Variants in NCAM1 observed in about 807,000 individuals in gnomAD.
The protein encoded by NCAM1 is neural cell adhesion molecule 1.
In NCAM1, 14 loss-of-function variants were observed where a neutral mutation model predicts 109.8. The ratio of observed to expected loss-of-function variants is 0.13; its 90% CI spans 0.08 to 0.20. NCAM1 has a LOEUF of 0.20. Among genes scored for constraint, NCAM1 ranks in the 10% least tolerant of loss-of-function variants. NCAM1 has a pLI of 1.00. For missense variants in NCAM1, 774 were observed against 1,109.9 expected (o/e 0.70, Z 4.30); for synonymous variants, 418 against 442.9 (o/e 0.94, Z 0.70).
rs782403931 is a variant in NCAM1 at position 113,260,277 on chromosome 11, G to C, written c.2085G>C (p.Ala695=). The C allele has an allele frequency of 9.9e-6, 16 of 1,613,802 alleles. No homozygotes were observed. Among genetic ancestry groups the C allele is most frequent in the African/African-American group, 1.3e-5 (1 of 74,896 alleles). ...VAENQQGKSK[A]AHFVFRTSAQ... Reference sequence around the variant, plus strand: ...AGAACCAGCAAGGAAAATCCAAGGCGGCTCATTTTGTGTTCAGGACCTCGG... The same window carrying C: ...AGAACCAGCAAGGAAAATCCAAGGCCGCTCATTTTGTGTTCAGGACCTCGG... The change falls in exon 17 of 20, where the codon GCG becomes GCC. Residue 695 remains alanine, a synonymous_variant. Coordinates refer to ENST00000316851, the MANE Select transcript of NCAM1 (RefSeq NM_181351.5).
At chr11:113,014,550 T>C (rs1952159925) in intron 1 of NCAM1, among the ~76,000 whole-genome samples, 1 of 152,254 alleles carries the variant, frequency 6.6e-6, no homozygotes, top group Admixed American at 6.5e-5. Flanking sequence ...TTTATTGAAC[T>C]GTGTGACATG....
intron 1 of NCAM1, among the ~76,000 whole-genome samples, chr11:113,101,510 T>A (rs1200806213): frequency 6.6e-6 from 1 of 152,244 alleles, no homozygotes; most frequent in East Asian, 1.9e-4. Context: ...TGCTCCTTAA[T>A]TATAAATCCT....
At chr11:112,978,118 T>C (rs1190202799) in intron 1 of NCAM1, among the ~76,000 whole-genome samples, 1 of 151,786 alleles carries the variant, frequency 6.6e-6, no homozygotes, top group African/African-American at 2.4e-5. Context: ...TATGTTCTTG[T>C]ACATCTCTAT....
chr11:113,034,294 A>G (rs575681011), intron 1 of NCAM1, among the ~76,000 whole-genome samples: 1 of 151,484 alleles, frequency 6.6e-6, no homozygotes, highest in East Asian at 1.9e-4. Context: ...TTTCACTTTC[A>G]CCTACCCTTT....
intron 17 of NCAM1, among the ~76,000 whole-genome samples, chr11:113,265,638 A>C (rs1320324874): frequency 2.6e-4 from 40 of 152,310 alleles, no homozygotes; most frequent in Admixed American, 2.6e-3. Context: ...CACTTAACTC[A>C]GACGCATCCT....
At chr11:113,137,115 G>A (rs923392478) in intron 1 of NCAM1, among the ~76,000 whole-genome samples, 2 of 152,234 alleles carry the variant, frequency 1.3e-5, no homozygotes. Context: ...GCAGGGCATA[G>A]CAGGTAGAGG....
At chr11:113,258,429 A>G (rs751329371) in intron 16 of NCAM1, among the ~76,000 whole-genome samples, 4 of 152,220 alleles carry the variant, frequency 2.6e-5, no homozygotes, top group African/African-American at 7.2e-5. Flanking sequence ...GTCACACTGC[A>G]TGGAATAGAA....
intron 19 of NCAM1, 39 bp from the exon 20 acceptor site, chr11:113,275,228 C>A: frequency 1.2e-6 from 2 of 1,611,678 alleles, no homozygotes; most frequent in Non-Finnish European, 1.7e-6. Context: ...TGTCTGCAGA[C>A]CGTGGTCTCA....
intron 1 of NCAM1, among the ~76,000 whole-genome samples, chr11:113,009,321 T>TGTTGTTGTTG (rs1555073928): frequency 2.1e-4 from 29 of 135,592 alleles, no homozygotes; most frequent in East Asian, 2.2e-4. Flanking sequence ...GGTTTTTTTT[T>TGTTGTTGTTG]TTTTTTTTTT....
At chr11:113,251,936 T>G (rs1278383964) in intron 15 of NCAM1, among the ~76,000 whole-genome samples, 1 of 152,180 alleles carries the variant, frequency 6.6e-6, no homozygotes, top group Non-Finnish European at 1.5e-5. Flanking sequence ...GTAGAAAGCC[T>G]AAGAAAGTTT....
At chr11:113,042,002 T>C (rs2186874) in intron 1 of NCAM1, among the ~76,000 whole-genome samples, 68,507 of 152,066 alleles carry the variant, frequency 0.45, 16,352 homozygotes, top group East Asian at 0.81. Flanking sequence ...TGGAAAAAAA[T>C]AATCCATCTT....
intron 1 of NCAM1, among the ~76,000 whole-genome samples, chr11:113,104,635 A>C (rs557838839): frequency 6.6e-6 from 1 of 152,298 alleles, no homozygotes; most frequent in South Asian, 2.1e-4. Context: ...CTCAGGCACT[A>C]GTTAGCAAAC....
intron 1 of NCAM1, among the ~76,000 whole-genome samples, chr11:113,153,433 G>A (rs578066215): frequency 1.3e-5 from 2 of 150,306 alleles, no homozygotes; most frequent in African/African-American, 2.5e-5. Context: ...AGTGGGGAGG[G>A]GGGGCACAGA....
At chr11:113,130,620 A>G (rs1245691464) in intron 1 of NCAM1, 1 of 152,110 alleles carries the variant, frequency 6.6e-6, no homozygotes, top group Non-Finnish European at 1.5e-5. Flanking sequence ...CATTTGTACC[A>G]TTGTCTTGTT....
At chr11:113,262,321 G>A (rs369050859) in intron 17 of NCAM1, among the ~76,000 whole-genome samples, 30 of 152,328 alleles carry the variant, frequency 2.0e-4, no homozygotes, top group African/African-American at 4.6e-4. Context: ...ATAGTGCAGC[G>A]ATCCAATGCA....
At chr11:113,205,322 C>T (rs545668768) in intron 3 of NCAM1, among the ~76,000 whole-genome samples, 19 of 152,250 alleles carry the variant, frequency 1.2e-4, no homozygotes, top group African/African-American at 4.6e-4. Context: ...ACTCAATGAG[C>T]AGATATTGGT....
chr11:113,064,362 G>A (rs1937839074), intron 1 of NCAM1, among the ~76,000 whole-genome samples: 1 of 152,186 alleles, frequency 6.6e-6, no homozygotes, highest in African/African-American at 2.4e-5. Flanking sequence ...CTTTCAAGAG[G>A]ACATACTTGG....
intron 1 of NCAM1, among the ~76,000 whole-genome samples, chr11:112,989,743 T>C (rs2134797585): frequency 1.3e-5 from 2 of 152,340 alleles, no homozygotes; most frequent in Admixed American, 6.5e-5. Context: ...ACATATCTTC[T>C]AGTCTTTTTT....
chr11:112,977,118 TAA>T (rs5794833), intron 1 of NCAM1, among the ~76,000 whole-genome samples: 42 of 149,402 alleles, frequency 2.8e-4, no homozygotes, highest in Non-Finnish European at 2.2e-4. Context: ...GAAACTTTGG[TAA>T]AAAAAAAAAA....
Sources: allele counts gnomAD v4.1 joint callset (sites outside exome capture counted in the v4.1 genomes callset), GRCh38; gene constraint gnomAD v4.1.1; transcripts MANE v1.5; gene names NCBI Gene and HGNC (gene_info 2026-07-23, HGNC 2026-07-21).